The following GCH1 variants were observed in gnomAD, a reference collection of about 807,000 sequenced individuals.
GCH1 encodes GTP cyclohydrolase 1, also known as GTP cyclohydrolase I.
A neutral mutation model predicts 25.9 loss-of-function variants in GCH1; 5 were observed. The ratio of observed to expected loss-of-function variants is 0.19; its 90% CI spans 0.10 to 0.41. GCH1 has a LOEUF of 0.41. GCH1 is among the 10% of genes least tolerant of loss of function. The pLI is 1.00. For missense variants in GCH1, 261 were observed against 336.5 expected (o/e 0.78, Z 1.75); for synonymous variants, 159 against 129.6 (o/e 1.23, Z -1.54).
At chr14:54,902,030 C>G (rs2040573573) in intron 1 of GCH1, among the ~76,000 whole-genome samples, 1 of 152,194 alleles carries the variant, frequency 6.6e-6, no homozygotes, top group South Asian at 2.1e-4. Context: ...CTCCCGTCCA[C>G]GCCCACCCGG....
intron 1 of GCH1, among the ~76,000 whole-genome samples, chr14:54,869,757 G>A (rs768608754): frequency 2.6e-5 from 4 of 152,210 alleles, no homozygotes; most frequent in Non-Finnish European, 4.4e-5. Context: ...TGGGATTACA[G>A]GCGTGAGCCA....
chr14:54,892,012 A>G (rs150621495), intron 1 of GCH1, among the ~76,000 whole-genome samples: 192 of 152,334 alleles, frequency 1.3e-3, no homozygotes, highest in African/African-American at 4.2e-3. Context: ...TAAAGTTCTC[A>G]GTTTATTAAT....
chr14:54,896,928 A>C (rs1354480941), intron 1 of GCH1, among the ~76,000 whole-genome samples: 1 of 149,268 alleles, frequency 6.7e-6, no homozygotes, highest in African/African-American at 2.5e-5. Context: ...CAAAAAAAAA[A>C]AAAACAAAAG....
chr14:54,862,203 T>TA (rs1179474282), intron 2 of GCH1, among the ~76,000 whole-genome samples: 3 of 150,936 alleles, frequency 2.0e-5, no homozygotes, highest in Admixed American at 6.6e-5. Context: ...CAATTAATTT[T>TA]AAAAAAAAAT....
chr14:54,864,337 GC>G (rs1252916595), intron 2 of GCH1, among the ~76,000 whole-genome samples: 3 of 152,146 alleles, frequency 2.0e-5, no homozygotes, highest in African/African-American at 7.2e-5. Flanking sequence ...TCATAACACT[GC>G]TTCTTGTAAG....
At chr14:54,879,828 T>C (rs957594632) in intron 1 of GCH1, among the ~76,000 whole-genome samples, 40 of 151,288 alleles carry the variant, frequency 2.6e-4, no homozygotes, top group Admixed American at 2.5e-3. Context: ...CTACTAAAAA[T>C]ACAAAAATTA....
At chr14:54,865,542 A>C (rs1217180916) in intron 1 of GCH1, 106 bp from the exon 2 acceptor site, 1 of 697,410 alleles carries the variant, frequency 1.4e-6, no homozygotes, top group African/African-American at 1.8e-5. Flanking sequence ...AATCCTCCCT[A>C]AAATATTAAG....
intron 2 of GCH1, among the ~76,000 whole-genome samples, chr14:54,863,300 T>C (rs1006494697): frequency 6.6e-6 from 1 of 150,882 alleles, no homozygotes; most frequent in Non-Finnish European, 1.5e-5. Flanking sequence ...CAGGCGCCTG[T>C]AGTCCCAGCT....
chr14:54,866,073 G>A (rs2039985464), intron 1 of GCH1, among the ~76,000 whole-genome samples: 1 of 151,474 alleles, frequency 6.6e-6, no homozygotes, highest in Admixed American at 6.6e-5. Context: ...TCTTGTTTAA[G>A]CTGTGGACCC....
chr14:54,886,724 G>A (rs544968652), intron 1 of GCH1, among the ~76,000 whole-genome samples: 26 of 148,828 alleles, frequency 1.7e-4, no homozygotes, highest in Admixed American at 7.9e-4. Context: ...CCAACCAGCC[G>A]GTGGGAGAGC....
chr14:54,863,065 T>A (rs536346671), intron 2 of GCH1, among the ~76,000 whole-genome samples: 5 of 152,284 alleles, frequency 3.3e-5, no homozygotes, highest in Admixed American at 2.0e-4. Flanking sequence ...ATGAATTCGT[T>A]ATTAGACACT....
chr14:54,843,565 C>A lies in GCH1; in HGVS notation c.*452G>T. The A allele has an allele frequency of 7.3e-7, 1 of 1,371,606 alleles. No individual in the cohort carries two copies. 85.0% of individuals were successfully genotyped at this position (1,371,606 alleles called of 1,614,324 possible). A position where few individuals can be genotyped will look rare whatever the true frequency, so the allele number is the denominator to read the frequency against. On this transcript the variant is annotated 3_prime_UTR_variant, in exon 6 of 6. Coordinates refer to ENST00000491895, the MANE Select transcript of GCH1 (RefSeq NM_000161.3). ...GTGAAGTCTGTTGAACTTGAATTCA[C>A]AGAGCAATACCGCACTAAATATTTT...
At chr14:54,845,275 C>T (rs571275711) in intron 5 of GCH1, among the ~76,000 whole-genome samples, 3 of 151,084 alleles carry the variant, frequency 2.0e-5, no homozygotes, top group Admixed American at 1.3e-4. Context: ...GTCAGGAGTT[C>T]GAGACCAGCC....
intron 1 of GCH1, among the ~76,000 whole-genome samples, chr14:54,889,031 C>G (rs910208466): frequency 4.6e-5 from 7 of 152,168 alleles, no homozygotes; most frequent in Admixed American, 6.5e-5. Context: ...TGAAAGGACA[C>G]GCAGCATGGG....
At chr14:54,871,650 A>C (rs1472496747) in intron 1 of GCH1, among the ~76,000 whole-genome samples, 4 of 152,250 alleles carry the variant, frequency 2.6e-5, no homozygotes, top group African/African-American at 9.6e-5. Flanking sequence ...AGAAGTCCTT[A>C]AAGGACCTGA....
At chr14:54,902,248 G>T in intron 1 of GCH1, 73 bp downstream of exon 1, 1 of 1,513,550 alleles carries the variant, frequency 6.6e-7, no homozygotes, top group East Asian at 2.3e-5. Context: ...GAAACTTCCT[G>T]GAGCCGGCGC....
At position 54,885,577 on chromosome 14, in the gene GCH1, GT is replaced by G. The variant is rs1444101560; in HGVS notation, c.343+16743del. ...GCAAGGTGAGGGATGAATCCCTGAT[GT>G]CATCTGCCACCAGGAAGAAAGCTTG... On this transcript the variant is annotated intron_variant, in intron 1 of 5. Coordinates refer to ENST00000491895, the MANE Select transcript of GCH1 (RefSeq NM_000161.3). 5.6e-5 allele frequency: 22 copies of G among 393,876 alleles called. No homozygotes were observed. The East Asian group carries it at 1.2e-3, about 21-fold the overall frequency. The allele number at this position is 393,876 out of a possible 1,614,324, so 24.4% of individuals were successfully genotyped here.
At chr14:54,847,856 A>C (rs777294530) in intron 3 of GCH1, among the ~76,000 whole-genome samples, 19 of 152,162 alleles carry the variant, frequency 1.2e-4, no homozygotes, top group Non-Finnish European at 7.4e-5. Context: ...CAAATCATCA[A>C]TTTTAGATCA....
chr14:54,852,903 G>C (rs2039756229), intron 3 of GCH1, among the ~76,000 whole-genome samples: 1 of 152,144 alleles, frequency 6.6e-6, no homozygotes, highest in African/African-American at 2.4e-5. Flanking sequence ...GTGCATCAGA[G>C]AACATGCACT....
Sources: allele counts gnomAD v4.1 joint callset (sites outside exome capture counted in the v4.1 genomes callset), GRCh38; gene constraint gnomAD v4.1.1; transcripts MANE v1.5; gene names NCBI Gene and HGNC (gene_info 2026-07-23, HGNC 2026-07-21).